CCDC9: variants seen among roughly 807,000 people sequenced by gnomAD.
CCDC9 encodes the protein coiled-coil domain containing 9.
Under a neutral mutation model 65.6 loss-of-function variants are expected in CCDC9, and 52 were observed. The ratio of observed to expected loss-of-function variants is 0.79; its 90% confidence interval spans 0.63 to 1.00. The LOEUF (loss-of-function observed/expected upper bound fraction) is 1.00. Ranked by LOEUF, CCDC9 falls within the 50% of genes least tolerant of loss-of-function variation. The pLI is 0.00. For synonymous variants in CCDC9, 332 were observed against 280.3 expected (o/e 1.18, Z -1.84); for missense variants, 834 against 757.2 (o/e 1.10, Z -1.19).
chr19:47,273,265 G>A (rs2059134827), downstream of CCDC9: 2 of 755,064 alleles, frequency 2.6e-6, no homozygotes, highest in African/African-American at 1.8e-5. Context: ...CGAACTGGAT[G>A]AGAGACGTGG....
chr19:47,269,577 G>C (rs1033897974), intron 8 of CCDC9, among the ~76,000 whole-genome samples: 6 of 152,120 alleles, frequency 3.9e-5, no homozygotes, highest in South Asian at 2.1e-4. Context: ...GGCCTCAGGT[G>C]ATCCGCCCAC....
intron 7 of CCDC9, among the ~76,000 whole-genome samples, chr19:47,265,804 C>T (rs949555208): frequency 1.3e-5 from 2 of 150,998 alleles, no homozygotes; most frequent in African/African-American, 4.9e-5. Flanking sequence ...TCTCCTGCCT[C>T]AGCCTCCCCA....
chr19:47,274,754 G>A, downstream of CCDC9: 1 of 322,562 alleles, frequency 3.1e-6, no homozygotes, highest in Admixed American at 7.2e-5. Context: ...GAGGGGGTGG[G>A]CCTAGGATGC....
intron 4 of CCDC9, 51 bp from the exon 5 acceptor site, chr19:47,260,537 G>A (rs780701813): frequency 1.9e-5 from 30 of 1,565,544 alleles, no homozygotes; most frequent in Admixed American, 3.7e-5. Context: ...CATCCTGGCC[G>A]CATGCCTCCC....
chr19:47,267,466 G>C (rs903369786), intron 8 of CCDC9, among the ~76,000 whole-genome samples: 10 of 152,136 alleles, frequency 6.6e-5, no homozygotes, highest in Non-Finnish European at 1.0e-4. Flanking sequence ...GCTGATCCAG[G>C]CTGGACGCTA....
In CCDC9 at chr19:47,260,317, C is replaced by T; in HGVS notation, c.109-4C>T. 3.8e-6 allele frequency: 6 copies of T among 1,577,648 alleles called. No homozygotes were observed. Among genetic ancestry groups the T allele is most frequent in the Non-Finnish European group, 5.2e-6 (6 of 1,160,696 alleles). On this transcript the variant is annotated splice_region_variant and splice_polypyrimidine_tract_variant and intron_variant, in intron 3 of 11. Transcript: ENST00000221922. ...GCTTCCCTACCCCGGCTGTCTGCTC[C>T]TAGGAGATTGAGGAAGACCGTAAGA...
downstream of CCDC9, chr19:47,274,944 G>A (rs1351719824): frequency 5.9e-6 from 8 of 1,355,060 alleles, no homozygotes; most frequent in African/African-American, 1.5e-5. Flanking sequence ...CTGCGTGGGC[G>A]GCGGCGCCGA....
downstream of CCDC9, among the ~76,000 whole-genome samples, chr19:47,274,257 G>A (rs2123494684): frequency 1.3e-5 from 2 of 152,142 alleles, no homozygotes; most frequent in South Asian, 4.1e-4. Flanking sequence ...TCCCGCGGGG[G>A]CGGAGCTAGG....
rs778943146 is a variant in CCDC9 at position 47,260,435 on chromosome 19, CTG to C, written c.210+14_210+15del. ...GGCAGTGGAGTCGGTGAGCTCGTCA[CTG>C]GGGTGTGGGACCCTGAGGATGGGGA... On this transcript the variant is annotated intron_variant, in intron 4 of 11. Transcript: ENST00000221922. 1.2e-5 allele frequency: 20 copies of C among 1,609,556 alleles called. No homozygotes were observed. Among genetic ancestry groups the C allele is most frequent in the Admixed American group, 1.7e-5 (1 of 59,650 alleles).
downstream of CCDC9, chr19:47,274,863 G>C: frequency 9.1e-7 from 1 of 1,099,672 alleles, no homozygotes; most frequent in Non-Finnish European, 1.1e-6. Flanking sequence ...TGGGGGCGGG[G>C]CCTGGTGGGG....
downstream of CCDC9, chr19:47,272,240 G>A (rs1415186432): frequency 2.1e-6 from 2 of 973,874 alleles, no homozygotes; most frequent in South Asian, 1.0e-4. Context: ...GGCTTGGGGG[G>A]AGTGGGGTGA....
chr19:47,266,729 A>G lies in CCDC9; in HGVS notation c.839A>G (p.Gln280Arg). The G allele has an allele frequency of 6.2e-7, 1 of 1,612,116 alleles. No individual in the cohort carries two copies. The highest frequency in any genetic ancestry group is 8.5e-7 in the Non-Finnish European group (1 of 1,179,218). ...EREKIDQERL[Q>R]RHRKPTGQWR... ...GAGAAGATCGACCAGGAGCGGCTGCAGAGGCACCGCAAGCCCACTGGCCAG... is the reference window on the plus strand; with the variant it reads ...GAGAAGATCGACCAGGAGCGGCTGCGGAGGCACCGCAAGCCCACTGGCCAG... Residue 280 changes from glutamine (Q) to arginine (R), a missense_variant, in exon 8 of 12, where the codon CAG becomes CGG. Gln to Arg is a conservative substitution (Grantham distance 43, BLOSUM62 1). Transcript: ENST00000221922.
downstream of CCDC9, among the ~76,000 whole-genome samples, chr19:47,272,674 G>T (rs2059131266): frequency 1.3e-5 from 2 of 152,202 alleles, no homozygotes; most frequent in Admixed American, 6.5e-5. Flanking sequence ...GGCAGACTAC[G>T]AAATTTGAAC....
chr19:47,272,631 G>C (rs2059131064), downstream of CCDC9, among the ~76,000 whole-genome samples: 1 of 152,156 alleles, frequency 6.6e-6, no homozygotes, highest in Non-Finnish European at 1.5e-5. Flanking sequence ...CAAAAAAGGT[G>C]GTTGGCGTTG....
In CCDC9 at chr19:47,270,607, C is replaced by G; in HGVS notation, c.1004C>G (p.Ser335Cys). 1.9e-6 allele frequency: 3 copies of G among 1,613,546 alleles called. No homozygotes were observed. The highest frequency in any genetic ancestry group is 1.1e-5 in the South Asian group (1 of 91,042). Residue 335 changes from serine (S) to cysteine (C), a missense_variant, in exon 10 of 12, where the codon TCC becomes TGC. Coordinates refer to ENST00000221922, the MANE Select transcript of CCDC9 (RefSeq NM_015603.3). ...CCCCCTACTTTTGGGGAGTTCCTGT[C>G]CCAGCACAAAGCTGAGGCCAGCAGC... ...PKPPTFGEFL[S>C]QHKAEASSRR...
At position 47,264,816 on chromosome 19, in the gene CCDC9, AC is replaced by A; in HGVS notation, c.595del (p.Arg199GlyfsTer54). ...AACCCAGTGCGGAACTTCCTGGACG[AC>A]CCCCGGCGACGCAGCGGGCCCCTGG... ...EPNPVRNFLD[D>X]PRRRSGPLEE... On this transcript the variant is annotated frameshift_variant, in exon 7 of 12. Coordinates refer to ENST00000221922, the MANE Select transcript of CCDC9 (RefSeq NM_015603.3). LOFTEE classifies it high-confidence loss of function. 2 of 1,563,206 alleles carry A rather than the reference AC, an allele frequency of 1.3e-6. No individual in the cohort carries two copies. Among genetic ancestry groups the A allele is most frequent in the Non-Finnish European group, 1.7e-6 (2 of 1,152,516 alleles).
At chr19:47,259,882 G>A (rs1411069897) in intron 3 of CCDC9, among the ~76,000 whole-genome samples, 2 of 152,178 alleles carry the variant, frequency 1.3e-5, no homozygotes, top group African/African-American at 4.8e-5. Flanking sequence ...CTCAGGGAAG[G>A]CCTCACGAGA....
At chr19:47,264,740 G>C (rs1180542460) in intron 6 of CCDC9, 33 bp from the exon 7 acceptor site, 3 of 1,603,546 alleles carry the variant, frequency 1.9e-6, no homozygotes, top group South Asian at 2.2e-5. Context: ...GCTGCGGGGA[G>C]CCCGCGCCAA....
At chr19:47,267,720 A>G (rs1600287023) in intron 8 of CCDC9, among the ~76,000 whole-genome samples, 2 of 152,322 alleles carry the variant, frequency 1.3e-5, no homozygotes, top group East Asian at 1.9e-4. Flanking sequence ...CAGGGACATC[A>G]GTTCCAACGC....
Sources: gnomAD v4.1 joint callset for allele counts (sites outside exome capture counted in the v4.1 genomes callset) on GRCh38, gnomAD v4.1.1 for gene constraint, MANE v1.5 for transcripts, NCBI Gene and HGNC (gene_info 2026-07-23, HGNC 2026-07-21) for gene names.